MVK: variants seen among roughly 807,000 people sequenced by gnomAD.
MVK encodes the protein mevalonate kinase, also known as LH receptor mRNA-binding protein.
In MVK, 34 loss-of-function variants were observed where a neutral mutation model predicts 43.2. The ratio of observed to expected loss-of-function variants is 0.79; its 90% CI spans 0.60 to 1.05. MVK has a LOEUF of 1.05. Ranked by LOEUF, MVK falls within the 50% of genes least tolerant of loss-of-function variation. The pLI is 0.00. For missense variants in MVK, 395 were observed against 504.0 expected (o/e 0.78, Z 2.07); for synonymous variants, 190 against 219.8 (o/e 0.86, Z 1.20).
chr12:109,586,047 A>C lies in MVK; in HGVS notation c.553A>C (p.Ile185Leu), dbSNP rs1354055404. 1 of 1,614,094 alleles carries C rather than the reference A, an allele frequency of 6.2e-7. No homozygotes were observed. The highest frequency in any genetic ancestry group is 1.3e-5 in the African/African-American group (1 of 74,946). Residue 185 changes from isoleucine (I) to leucine (L), a missense_variant, in exon 6 of 11, where the codon ATT becomes CTT. Coordinates refer to ENST00000228510, the MANE Select transcript of MVK (RefSeq NM_000431.4). Reference sequence around the variant, plus strand: ...GTGGACCAAGGAGGATTTGGAGCTAATTAACAAGTGGGCCTTCCAAGGGGA... The same window carrying C: ...GTGGACCAAGGAGGATTTGGAGCTACTTAACAAGTGGGCCTTCCAAGGGGA... ...NRWTKEDLEL[I>L]NKWAFQGERM...
rs1348713445 is a variant in MVK, at chr12:109,598,096, G to A, written c.*1519G>A. ...TTCCCTTCAAAACACAACGCATAAA[G>A]CAGTAATACTAATTAATACTGAACG... On this transcript the variant is annotated 3_prime_UTR_variant, in exon 11 of 11. Transcript: ENST00000228510. The A allele has an allele frequency of 5.3e-5, 8 of 152,282 alleles. No individual in the cohort carries two copies. Among genetic ancestry groups the A allele is most frequent in the Non-Finnish European group, 1.0e-4 (7 of 68,064 alleles). 9.4% of individuals were successfully genotyped at this position (152,282 alleles called of 1,614,324 possible).
At chr12:109,585,748 A>G (rs1392896201) in intron 5 of MVK, among the ~76,000 whole-genome samples, 1 of 151,194 alleles carries the variant, frequency 6.6e-6, no homozygotes, top group African/African-American at 2.4e-5. Context: ...TGACAGAGTG[A>G]GACTCCGTCT....
intron 3 of MVK, among the ~76,000 whole-genome samples, chr12:109,577,382 C>T (rs976067454): frequency 2.6e-5 from 4 of 152,180 alleles, no homozygotes; most frequent in Non-Finnish European, 4.4e-5. Context: ...TTTTTCCTTA[C>T]ACTGCACCTG....
In MVK at chr12:109,596,612, C is replaced by T. The variant is rs776645790; in HGVS notation, c.*35C>T. On this transcript the variant is annotated 3_prime_UTR_variant, in exon 11 of 11. Transcript: ENST00000228510. ...ACGACACTGCAGCCCCACCCAGATGCCCCTTTCTGGATTATTCTGGGGGCT... is the reference window on the plus strand; with the variant it reads ...ACGACACTGCAGCCCCACCCAGATGTCCCTTTCTGGATTATTCTGGGGGCT... 4.0e-5 allele frequency: 64 copies of T among 1,599,274 alleles called. 1 individual carries two copies. Among genetic ancestry groups the T allele is most frequent in the Non-Finnish European group, 4.6e-5 (54 of 1,178,228 alleles).
At chr12:109,592,476 C>T (rs1053480033) in intron 9 of MVK, among the ~76,000 whole-genome samples, 1 of 152,220 alleles carries the variant, frequency 6.6e-6, no homozygotes, top group African/African-American at 2.4e-5. Context: ...AGTCCCTCCC[C>T]GCGCCCCGCA....
At chr12:109,578,665 C>A (rs1412120301) in intron 3 of MVK, among the ~76,000 whole-genome samples, 1 of 152,216 alleles carries the variant, frequency 6.6e-6, no homozygotes, top group African/African-American at 2.4e-5. Context: ...CTCTGAAATA[C>A]CTGGGTTCTC....
Position 109,590,783 on chromosome 12 carries a change from C to G in MVK, c.690C>G (p.Leu230=), listed in dbSNP as rs753993972. ...CTTCACCCTGCAGGTCGCCAGCTCT[C>G]CAGATCCTGCTGACCAACACCAAAG... is the stretch of plus-strand genomic sequence containing the variant. The part of the protein sequence containing the change: ...KISSLKRSPA[L]QILLTNTKVP... Residue 230 remains leucine (L), a synonymous_variant, in exon 8 of 11, where the codon CTC becomes CTG. Coordinates refer to ENST00000228510, the MANE Select transcript of MVK (RefSeq NM_000431.4). 8 of 1,614,194 alleles carry G rather than the reference C, an allele frequency of 5.0e-6. No individual in the cohort carries two copies. The East Asian group carries it at 1.8e-4, about 36-fold the overall frequency.
intron 3 of MVK, among the ~76,000 whole-genome samples, chr12:109,577,535 C>T (rs1479700568): frequency 6.6e-6 from 1 of 152,172 alleles, no homozygotes; most frequent in Admixed American, 6.5e-5. Flanking sequence ...GTCTGGAACT[C>T]CTGGGCTCAA....
intron 7 of MVK, chr12:109,589,552 G>T (rs911927792): frequency 4.7e-5 from 7 of 149,590 alleles, no homozygotes; most frequent in African/African-American, 1.7e-4. Context: ...GAAGGGAAGA[G>T]AAAAGCCAAA....
chr12:109,590,656 T>C (rs1420643712), intron 7 of MVK, 115 bp from the exon 8 acceptor site: 3 of 894,148 alleles, frequency 3.4e-6, no homozygotes, highest in Admixed American at 1.8e-5. Context: ...TGTCACCTCT[T>C]GTGCCTCCCT....
In MVK at chr12:109,590,885, C is replaced by T. The variant is rs1487498518; in HGVS notation, c.768+24C>T. 2 of 1,609,224 alleles carry T rather than the reference C, an allele frequency of 1.2e-6. No homozygotes were observed. Among genetic ancestry groups the T allele is most frequent in the Admixed American group, 1.7e-5 (1 of 59,978 alleles). ...AGGTGACTCTTGTTCCCTTCTTGGG[C>T]AGGTTTCAGGAAGGCCAGGACACAA... On this transcript the variant is annotated intron_variant, in intron 8 of 10. Coordinates refer to ENST00000228510, the MANE Select transcript of MVK (RefSeq NM_000431.4).
At position 109,597,521 on chromosome 12, in the gene MVK, C is replaced by T. The variant is rs61940517; in HGVS notation, c.*944C>T. On this transcript the variant is annotated 3_prime_UTR_variant, in exon 11 of 11. Coordinates refer to ENST00000228510, the MANE Select transcript of MVK (RefSeq NM_000431.4). ...CTAGCTCCAGAATCACAAGCACCCA[C>T]GAGAGCACAGACCTGTGTAAGACAG... 0.17 allele frequency: 25,367 copies of T among 152,198 alleles called. 2,194 individuals carry two copies. Among genetic ancestry groups the T allele is most frequent in the African/African-American group, 0.18 (7,404 of 41,464 alleles). 9.4% of individuals were successfully genotyped at this position (152,198 alleles called of 1,614,324 possible). A position where few individuals can be genotyped will look rare whatever the true frequency, so the allele number is the denominator to read the frequency against.
intron 9 of MVK, 60 bp downstream of exon 9, chr12:109,591,417 G>A (rs1885678578): frequency 2.0e-6 from 3 of 1,510,196 alleles, no homozygotes; most frequent in Non-Finnish European, 2.8e-6. Context: ...CAAGGCAGTG[G>A]CTCTGCAATC....
At chr12:109,584,565 TGAGTCAGTGATAG>T (rs1885356864) in intron 5 of MVK, among the ~76,000 whole-genome samples, 1 of 152,072 alleles carries the variant, frequency 6.6e-6, no homozygotes, top group Admixed American at 6.6e-5. Flanking sequence ...AGATGCCCAG[TGAGTCAGTGATAG>T]GATGGGCTCC....
intron 9 of MVK, among the ~76,000 whole-genome samples, chr12:109,593,768 G>T (rs1885792113): frequency 7.6e-6 from 1 of 132,194 alleles, no homozygotes; most frequent in Non-Finnish European, 1.5e-5. Context: ...CTGTCGCCCA[G>T]GCTGGAGTGC....
chr12:109,591,345 C>T lies in MVK; in HGVS notation c.873C>T (p.Tyr291=). The change falls in exon 9 of 11, where the codon TAC becomes TAT. Residue 291 remains tyrosine (Y), a synonymous_variant. Transcript: ENST00000228510. ...GGGAAGCCCCAGCCCCGGAGCAGTACCTCGTGCTGGAAGTAAGAGCCTGTC... is the reference window on the plus strand; with the variant it reads ...GGGAAGCCCCAGCCCCGGAGCAGTATCTCGTGCTGGAAGTAAGAGCCTGTC... ...EMGEAPAPEQ[Y]LVLEELIDMN... is the part of the protein sequence containing the mutation. 2 of 1,614,136 alleles carry T rather than the reference C, an allele frequency of 1.2e-6. No homozygotes were observed. The highest frequency in any genetic ancestry group is 1.1e-5 in the South Asian group (1 of 91,090).
chr12:109,576,887 A>T (rs1566142161), intron 3 of MVK, among the ~76,000 whole-genome samples: 1 of 149,796 alleles, frequency 6.7e-6, no homozygotes, highest in East Asian at 1.9e-4. Flanking sequence ...AAAAAAAAAA[A>T]TTTAATAAAA....
intron 8 of MVK, 43 bp downstream of exon 8, chr12:109,590,904 G>A (rs755495044): frequency 1.9e-6 from 3 of 1,590,230 alleles, no homozygotes; most frequent in Non-Finnish European, 2.6e-6. Context: ...GGAAGGCCAG[G>A]ACACAATTAC....
rs876661134 is a variant in MVK, at chr12:109,591,291, G to A, written c.819G>A (p.Leu273=). ...PLLTSIDAIS[L]ECERVLGEMG... ...TGACCTCAATAGATGCCATCTCCCT[G>A]GAGTGTGAGCGCGTGCTGGGAGAGA... Residue 273 remains leucine (L), a synonymous_variant, in exon 9 of 11, where the codon CTG becomes CTA. Transcript: ENST00000228510. 4 of 1,614,090 alleles carry A rather than the reference G, an allele frequency of 2.5e-6. No individual in the cohort carries two copies. Among genetic ancestry groups the A allele is most frequent in the Non-Finnish European group, 3.4e-6 (4 of 1,180,054 alleles).
Sources: gnomAD v4.1 joint callset for allele counts (sites outside exome capture counted in the v4.1 genomes callset) on GRCh38, gnomAD v4.1.1 for gene constraint, MANE v1.5 for transcripts, NCBI Gene and HGNC (gene_info 2026-07-23, HGNC 2026-07-21) for gene names.